Variants in PCA3 observed in about 807,000 individuals in gnomAD.
PCA3 encodes the protein Differential Display code 3.
intron 2 of PCA3, among the ~76,000 whole-genome samples, chr9:76,764,962 G>A (rs2052173385): frequency 6.6e-6 from 1 of 152,214 alleles, no homozygotes; most frequent in African/African-American, 2.4e-5. Flanking sequence ...TGAGAGAGAA[G>A]AATGATGCAG....
chr9:76,768,896 C>T (rs553408114), intron 2 of PCA3, among the ~76,000 whole-genome samples: 26 of 152,176 alleles, frequency 1.7e-4, no homozygotes, highest in African/African-American at 3.1e-4. Flanking sequence ...CCACCAAAAA[C>T]GCTGTACTTT....
intron 2 of PCA3, among the ~76,000 whole-genome samples, chr9:76,779,357 C>T (rs1366493800): frequency 6.6e-6 from 1 of 151,924 alleles, no homozygotes; most frequent in Non-Finnish European, 1.5e-5. Flanking sequence ...GGACAAAGAT[C>T]TGTAAATTTA....
intron 2 of PCA3, among the ~76,000 whole-genome samples, chr9:76,772,010 G>A (rs1366742490): frequency 1.3e-5 from 2 of 152,162 alleles, no homozygotes; most frequent in African/African-American, 2.4e-5. Flanking sequence ...TTGCCTATAC[G>A]AAGTCCGAGA....
intron 2 of PCA3, among the ~76,000 whole-genome samples, chr9:76,768,583 A>ATGTGTGTGTGTGTG (rs55793596): frequency 2.6e-4 from 27 of 103,244 alleles, no homozygotes; most frequent in African/African-American, 8.5e-4. Flanking sequence ...ATGTATATGT[A>ATGTGTGTGTGTGTG]TGTGTGTGTG....
intron 2 of PCA3, among the ~76,000 whole-genome samples, chr9:76,777,497 T>G (rs1182672317): frequency 6.6e-6 from 1 of 152,174 alleles, no homozygotes; most frequent in Non-Finnish European, 1.5e-5. Context: ...GAAATGAATT[T>G]CAGGGGCAAG....
intron 2 of PCA3, chr9:76,778,407 C>CAA (rs1287238194): frequency 6.6e-6 from 1 of 152,288 alleles, no homozygotes; most frequent in South Asian, 2.1e-4. Context: ...TGATAGGAGA[C>CAA]AATTAAAGGC....
intron 2 of PCA3, among the ~76,000 whole-genome samples, chr9:76,774,461 T>TTTTTA (rs1564272766): frequency 1.3e-5 from 1 of 74,816 alleles, no homozygotes; most frequent in Non-Finnish European, 2.6e-5. Context: ...TTTTTTTTTT[T>TTTTTA]TTTTTTTTTT....
intron 2 of PCA3, among the ~76,000 whole-genome samples, chr9:76,769,220 A>C (rs998103522): frequency 6.6e-6 from 1 of 152,240 alleles, no homozygotes; most frequent in African/African-American, 2.4e-5. Context: ...CTTGCCCTTT[A>C]AAATATGAGA....
chr9:76,765,416 T>G (rs1463101695), intron 2 of PCA3, among the ~76,000 whole-genome samples: 1 of 152,182 alleles, frequency 6.6e-6, no homozygotes, highest in Non-Finnish European at 1.5e-5. Context: ...GTGATCTTGA[T>G]GAGGGGTTTC....
chr9:76,768,949 A>T, intron 2 of PCA3, among the ~76,000 whole-genome samples: 1 of 152,224 alleles, frequency 6.6e-6, no homozygotes. Flanking sequence ...CCTTGTTTTA[A>T]CAAGTCAAAC....
rs532329397 is a variant in PCA3 at position 76,765,262 on chromosome 9, T to TG, written n.852+28653dup. Among the ~76,000 whole-genome samples, 401 of 152,058 alleles carry TG rather than the reference T, an allele frequency of 2.6e-3. 1 individual carries two copies. The highest frequency in any genetic ancestry group is 9.4e-3 in the African/African-American group (390 of 41,462). On this transcript the variant is annotated intron_variant and non_coding_transcript_variant, in intron 2 of 5. Coordinates refer to ENST00000644657, the Ensembl canonical transcript of PCA3. The stretch of plus-strand genomic sequence containing the variant: ...AAACAGAAACAGAGCTTCCAGCAGG[T>TG]GGGGGGCATTTGGAAGAAAACGATG...
Position 76,765,291 on chromosome 9 carries a change from T to C in PCA3, n.852+28676T>C, listed in dbSNP as rs117799675. On this transcript the variant is annotated intron_variant and non_coding_transcript_variant, in intron 2 of 5. Transcript: ENST00000644657. ...GGGCATTTGGAAGAAAACGATGCCATAGAAGCCAAGATGAAATAGACATCA... is the reference window on the plus strand; with the variant it reads ...GGGCATTTGGAAGAAAACGATGCCACAGAAGCCAAGATGAAATAGACATCA... 3.4e-3 allele frequency among the ~76,000 whole-genome samples: 519 copies of C among 152,216 alleles called. 4 individuals carry two copies. Among genetic ancestry groups the C allele is most frequent in the Non-Finnish European group, 5.7e-3 (391 of 68,004 alleles).
intron 2 of PCA3, chr9:76,784,130 TGCCCGGCCGC>T (rs1395729488): frequency 6.6e-6 from 1 of 152,218 alleles, no homozygotes; most frequent in Non-Finnish European, 1.5e-5. Context: ...CTGGGAGAAA[TGCCCGGCCGC>T]CATCTTGGGT....
At chr9:76,779,679 C>G (rs2054163561) in intron 2 of PCA3, 1 of 152,206 alleles carries the variant, frequency 6.6e-6, no homozygotes, top group South Asian at 2.1e-4. Context: ...ACTGTATTGT[C>G]TGAAATGACT....
intron 2 of PCA3, among the ~76,000 whole-genome samples, chr9:76,770,079 T>A (rs2052921623): frequency 6.6e-6 from 1 of 152,174 alleles, no homozygotes; most frequent in South Asian, 2.1e-4. Context: ...CTTGCCAATT[T>A]ATTATTGTTA....
chr9:76,777,838 A>G (rs2053966369), intron 2 of PCA3, among the ~76,000 whole-genome samples: 1 of 152,216 alleles, frequency 6.6e-6, no homozygotes, highest in African/African-American at 2.4e-5. Context: ...GAGAATTGAA[A>G]TAAGTTCAGG....
At chr9:76,769,084 T>C (rs1295587504) in intron 2 of PCA3, among the ~76,000 whole-genome samples, 1 of 152,186 alleles carries the variant, frequency 6.6e-6, no homozygotes, top group East Asian at 1.9e-4. Flanking sequence ...TCAACCAATA[T>C]TGACAGTTTG....
intron 2 of PCA3, among the ~76,000 whole-genome samples, chr9:76,777,801 T>C (rs73460275): frequency 0.18 from 26,892 of 152,176 alleles, 2,568 homozygotes; most frequent in African/African-American, 0.24. Flanking sequence ...TCAGGGAAGA[T>C]GTCACCATTT....
chr9:76,774,514 A>G (rs965124669), intron 2 of PCA3, among the ~76,000 whole-genome samples: 2 of 134,880 alleles, frequency 1.5e-5, no homozygotes, highest in Admixed American at 8.8e-5. Context: ...GCTAGAGTGC[A>G]GTGGCACGAT....
Sources: gnomAD v4.1 joint callset for allele counts (sites outside exome capture counted in the v4.1 genomes callset) on GRCh38, gnomAD v4.1.1 for gene constraint, MANE v1.5 for transcripts, NCBI Gene and HGNC (gene_info 2026-07-23, HGNC 2026-07-21) for gene names.